Variants in ASIC2 observed in about 807,000 individuals in gnomAD.
ASIC2 encodes the protein acid sensing ion channel subunit 2, also known as acid-sensing ion channel 2.
Under a neutral mutation model 57.3 loss-of-function variants are expected in ASIC2, and 25 were observed. The ratio of observed to expected loss-of-function variants is 0.44; its 90% CI spans 0.32 to 0.61. The LOEUF (loss-of-function observed/expected upper bound fraction) is 0.61, where lower values mean the gene tolerates loss of function less well. Ranked by LOEUF, ASIC2 falls within the 20% of genes least tolerant of loss-of-function variation. ASIC2 has a pLI of 0.06. For missense variants in ASIC2, 641 were observed against 738.1 expected, an observed-to-expected ratio of 0.87 and a Z score of 1.52; for synonymous variants, 319 against 307.5, an observed-to-expected ratio of 1.04 and a Z score of -0.39.
intron 1 of ASIC2, among the ~76,000 whole-genome samples, chr17:33,813,768 C>T (rs924222349): frequency 6.6e-5 from 10 of 152,214 alleles, no homozygotes; most frequent in Admixed American, 1.3e-4. Context: ...AGGGTATCCT[C>T]CTTGCTGGTG....
At chr17:33,997,486 C>T (rs1906201513) in intron 1 of ASIC2, among the ~76,000 whole-genome samples, 1 of 151,806 alleles carries the variant, frequency 6.6e-6, no homozygotes, top group African/African-American at 2.4e-5. Flanking sequence ...TTTTTTTCAT[C>T]ATTGAATACA....
chr17:33,930,730 A>G (rs1174158266), intron 1 of ASIC2, among the ~76,000 whole-genome samples: 1 of 152,194 alleles, frequency 6.6e-6, no homozygotes, highest in East Asian at 1.9e-4. Flanking sequence ...CAGTGGCCCC[A>G]GTGGGCCAGA....
At chr17:33,394,350 C>T (rs753966174) in intron 1 of ASIC2, among the ~76,000 whole-genome samples, 1 of 152,230 alleles carries the variant, frequency 6.6e-6, no homozygotes, top group Non-Finnish European at 1.5e-5. Flanking sequence ...GCTCTCAGCC[C>T]TGGCTGCAAG....
chr17:33,604,248 A>G (rs1218059369), intron 1 of ASIC2, among the ~76,000 whole-genome samples: 1 of 152,164 alleles, frequency 6.6e-6, no homozygotes, highest in Admixed American at 6.5e-5. Context: ...CCTGACTCCA[A>G]AATCTTTGGT....
intron 2 of ASIC2, among the ~76,000 whole-genome samples, chr17:33,110,927 C>A (rs769452582): frequency 1.3e-5 from 2 of 152,210 alleles, no homozygotes; most frequent in Non-Finnish European, 2.9e-5. Flanking sequence ...CCCACCTCTG[C>A]AGTCCTTCCT....
At chr17:33,844,229 A>T (rs946351990) in intron 1 of ASIC2, among the ~76,000 whole-genome samples, 9 of 152,188 alleles carry the variant, frequency 5.9e-5, no homozygotes, top group African/African-American at 2.2e-4. Flanking sequence ...TTTTAAATGA[A>T]TTTTACTAAT....
chr17:33,839,720 G>A (rs532755063), intron 1 of ASIC2, among the ~76,000 whole-genome samples: 8 of 152,182 alleles, frequency 5.3e-5, no homozygotes, highest in Admixed American at 1.3e-4. Context: ...ATTTAAAGGA[G>A]GGATAAGGGT....
intron 1 of ASIC2, among the ~76,000 whole-genome samples, chr17:33,428,800 G>T (rs1260158505): frequency 6.6e-6 from 1 of 152,088 alleles, no homozygotes; most frequent in Non-Finnish European, 1.5e-5. Context: ...TCCAGACCAC[G>T]TTCCTGTCTC....
At chr17:33,429,184 A>AT (rs143337866) in intron 1 of ASIC2, among the ~76,000 whole-genome samples, 113 of 149,088 alleles carry the variant, frequency 7.6e-4, no homozygotes, top group Admixed American at 1.7e-3. Flanking sequence ...CATTTTAGAC[A>AT]TTTTTTTTTT....
At chr17:33,260,613 G>C (rs1041993807) in intron 1 of ASIC2, among the ~76,000 whole-genome samples, 1 of 152,172 alleles carries the variant, frequency 6.6e-6, no homozygotes, top group African/African-American at 2.4e-5. Context: ...GCTTTTTCTC[G>C]AGAGGTCTTA....
intron 1 of ASIC2, among the ~76,000 whole-genome samples, chr17:33,341,888 G>A (rs1417014019): frequency 6.6e-6 from 1 of 152,120 alleles, no homozygotes; most frequent in Non-Finnish European, 1.5e-5. Context: ...ATGCCCCTTT[G>A]TCATTCTCAG....
intron 1 of ASIC2, among the ~76,000 whole-genome samples, chr17:33,234,725 G>C (rs185631426): frequency 6.6e-6 from 1 of 152,192 alleles, no homozygotes; most frequent in Non-Finnish European, 1.5e-5. Context: ...TCCTCACATG[G>C]TGTAAATGGG....
intron 1 of ASIC2, among the ~76,000 whole-genome samples, chr17:33,336,386 T>TG (rs1907514399): frequency 6.6e-6 from 1 of 151,914 alleles, no homozygotes; most frequent in East Asian, 1.9e-4. Context: ...ACAGATTTTT[T>TG]TTTAAAGTAC....
intron 3 of ASIC2, among the ~76,000 whole-genome samples, chr17:33,088,266 G>GTC (rs932183598): frequency 1.3e-5 from 2 of 152,150 alleles, no homozygotes; most frequent in Non-Finnish European, 2.9e-5. Flanking sequence ...GTTTGCGAAG[G>GTC]TCTCCCTTTT....
intron 3 of ASIC2, among the ~76,000 whole-genome samples, chr17:33,060,045 T>C (rs1598257901): frequency 6.6e-6 from 1 of 152,228 alleles, no homozygotes; most frequent in African/African-American, 2.4e-5. Flanking sequence ...GAGTTCTTTA[T>C]AGATTTTGGA....
chr17:33,575,630 A>G (rs982831347), intron 1 of ASIC2, among the ~76,000 whole-genome samples: 16 of 152,144 alleles, frequency 1.1e-4, no homozygotes, highest in Middle Eastern at 3.2e-3. Flanking sequence ...ATCTGCAAAA[A>G]CTGTACGGAG....
chr17:34,016,143 G>A (rs1464692169), intron 1 of ASIC2, among the ~76,000 whole-genome samples: 1 of 151,742 alleles, frequency 6.6e-6, no homozygotes, highest in Non-Finnish European at 1.5e-5. Flanking sequence ...AACTGCCCAT[G>A]GCCAGGCACA....
intron 1 of ASIC2, among the ~76,000 whole-genome samples, chr17:33,636,889 A>C (rs1180187173): frequency 6.6e-6 from 1 of 151,894 alleles, no homozygotes; most frequent in African/African-American, 2.4e-5. Context: ...CCACACACAC[A>C]CACACACCAC....
intron 1 of ASIC2, among the ~76,000 whole-genome samples, chr17:33,256,473 A>C: frequency 6.6e-6 from 1 of 152,322 alleles, no homozygotes; most frequent in South Asian, 2.1e-4. Flanking sequence ...GCATTTTTTA[A>C]AACCATGTGC....
Sources: allele counts gnomAD v4.1 joint callset (sites outside exome capture counted in the v4.1 genomes callset), GRCh38; gene constraint gnomAD v4.1.1; transcripts MANE v1.5; gene names NCBI Gene and HGNC (gene_info 2026-07-23, HGNC 2026-07-21).